Variants in GDF10 observed in about 807,000 individuals in gnomAD.
GDF10 encodes the protein growth/differentiation factor 10.
A neutral mutation model predicts 32.1 loss-of-function variants in GDF10; 23 were observed. The observed-to-expected ratio is 0.72, with a 90% confidence interval of 0.52 to 1.02. The LOEUF is 1.02. Ranked by LOEUF, GDF10 falls within the 50% of genes least tolerant of loss-of-function variation. The probability of loss-of-function intolerance (pLI) is 0.00; values close to 1 mark genes in which losing one functional copy is unlikely to be tolerated. For synonymous variants in GDF10, 328 were observed against 303.1 expected (o/e 1.08, Z -0.85); for missense variants, 764 against 673.9 (o/e 1.13, Z -1.48).
chr10:47,303,482 AATAGTGCTCC>A (rs1461167372), intron 1 of GDF10, among the ~76,000 whole-genome samples: 1 of 152,134 alleles, frequency 6.6e-6, no homozygotes, highest in Non-Finnish European at 1.5e-5. Flanking sequence ...AAATGGAGCT[AATAGTGCTCC>A]CCTCCTTATA....
In GDF10 at chr10:47,313,031, T is replaced by G. The variant is rs1588846980; in HGVS notation, c.*239T>G. 1 of 389,838 alleles carries G rather than the reference T, an allele frequency of 2.6e-6. No homozygotes were observed. Among genetic ancestry groups the G allele is most frequent in the Non-Finnish European group, 4.6e-6 (1 of 219,518 alleles). The allele number at this position is 389,838 out of a possible 1,614,324, so 24.1% of individuals were successfully genotyped here. ...CTGGGAATTAGCCCTGGCCTGAAAG[T>G]GGCCCATCATTCATACCCACTGTTC... On this transcript the variant is annotated 3_prime_UTR_variant, in exon 3 of 3. Transcript: ENST00000580279.
intron 1 of GDF10, among the ~76,000 whole-genome samples, chr10:47,301,811 G>T (rs1455778651): frequency 3.9e-5 from 6 of 152,176 alleles, no homozygotes; most frequent in African/African-American, 7.2e-5. Context: ...GTGGGTGGGG[G>T]TCTCCTGCAG....
intron 2 of GDF10, among the ~76,000 whole-genome samples, chr10:47,311,991 G>C (rs2061048193): frequency 6.6e-6 from 1 of 152,220 alleles, no homozygotes; most frequent in African/African-American, 2.4e-5. Context: ...TCTTGGTCAA[G>C]TTACTCAGTC....
At chr10:47,303,228 G>A (rs1420979689) in intron 1 of GDF10, among the ~76,000 whole-genome samples, 1 of 152,186 alleles carries the variant, frequency 6.6e-6, no homozygotes, top group Non-Finnish European at 1.5e-5. Flanking sequence ...CCGAGAACAT[G>A]CCAGTCTCAG....
In GDF10 at chr10:47,310,477, GGCCAGGGC is replaced by G; in HGVS notation, c.1004_1011del (p.Pro335GlnfsTer21). 3.7e-6 allele frequency: 6 copies of G among 1,613,728 alleles called. No individual in the cohort carries two copies. Among genetic ancestry groups the G allele is most frequent in the Non-Finnish European group, 4.2e-6 (5 of 1,179,738 alleles). On this transcript the variant is annotated frameshift_variant, in exon 2 of 3. Coordinates refer to ENST00000580279, the MANE Select transcript of GDF10 (RefSeq NM_004962.5). LOFTEE classifies it high-confidence loss of function. The stretch of plus-strand genomic sequence containing the variant: ...AGCCCCTTCCGGGCGCTGAAACCCC[GGCCAGGGC>G]GCAAAGACCGCAGGAAGAAGGGCCA...
Position 47,309,783 on chromosome 10 carries a change from C to G in GDF10, c.320-13C>G, listed in dbSNP as rs1476401501. ...GAGAACTTCACAGCCTGTGGTCTCT[C>G]CTTCCCTCACAGAAGTGGTCGACCA... On this transcript the variant is annotated splice_polypyrimidine_tract_variant and intron_variant, in intron 1 of 2. Transcript: ENST00000580279. 6.3e-7 allele frequency: 1 copy of G among 1,584,572 alleles called. No homozygotes were observed. The highest frequency in any genetic ancestry group is 8.6e-7 in the Non-Finnish European group (1 of 1,157,086).
rs1555206677 is a variant in GDF10 at position 47,300,289 on chromosome 10, G to A, written c.-363G>A. ...GGGGCGCGCAGCCGGGTCCCCTCGA[G>A]GGCGCAGCCGGCCGCCCCGCCCCGC... On this transcript the variant is annotated 5_prime_UTR_variant, in exon 1 of 3. Coordinates refer to ENST00000580279, the MANE Select transcript of GDF10 (RefSeq NM_004962.5). 1.6e-5 allele frequency: 3 copies of A among 187,308 alleles called. No individual in the cohort carries two copies. In the East Asian group the frequency reaches 3.9e-4, roughly 24 times the overall value. The allele number at this position is 187,308 out of a possible 1,614,324, so 11.6% of individuals were successfully genotyped here.
At chr10:47,308,650 C>T (rs2061031763) in intron 1 of GDF10, among the ~76,000 whole-genome samples, 1 of 152,176 alleles carries the variant, frequency 6.6e-6, no homozygotes, top group African/African-American at 2.4e-5. Flanking sequence ...CCCACACACA[C>T]TTCCCGGGCT....
chr10:47,310,226 T>G lies in GDF10; in HGVS notation c.750T>G (p.Asp250Glu). 6.2e-7 allele frequency: 1 copy of G among 1,610,294 alleles called. No homozygotes were observed. The highest frequency in any genetic ancestry group is 8.5e-7 in the Non-Finnish European group (1 of 1,178,542). Residue 250 changes from aspartate (D) to glutamate (E), a missense_variant, in exon 2 of 3, where the codon GAT becomes GAG. By Grantham distance (45) the Asp-to-Glu change is conservative. Coordinates refer to ENST00000580279, the MANE Select transcript of GDF10 (RefSeq NM_004962.5). ...CCTACATCCTAGTCTATGCCAACGA[T>G]CTGGCCATCTCGGAGCCCAACAGCG... ...YAPYILVYAN[D>E]LAISEPNSVA...
chr10:47,309,366 C>T (rs987813223), intron 1 of GDF10, among the ~76,000 whole-genome samples: 3 of 152,166 alleles, frequency 2.0e-5, no homozygotes, highest in Admixed American at 2.0e-4. Flanking sequence ...GGAGGGGCTG[C>T]CTTGATGCAG....
In GDF10 at chr10:47,310,609, G is replaced by A. The variant is rs1333618871; in HGVS notation, c.1133G>A (p.Arg378Gln). 6.2e-7 allele frequency: 1 copy of A among 1,613,992 alleles called. No homozygotes were observed. Among genetic ancestry groups the A allele is most frequent in the African/African-American group, 1.3e-5 (1 of 74,938 alleles). The change falls in exon 2 of 3, where the codon CGG becomes CAG. Residue 378 changes from arginine (R) to glutamine (Q), a missense_variant. Physicochemically the swap from Arg to Gln is conservative, Grantham distance 43. Transcript: ENST00000580279. ...KQWDEPRVCSRRYLKVDFADI... is the reference protein window; with the variant it reads ...KQWDEPRVCSQRYLKVDFADI... ...TGGGATGAGCCGAGGGTGTGCTCCC[G>A]GAGGTACCTGAAGGTGGACTTCGCA...
chr10:47,302,433 C>T (rs1188497623), intron 1 of GDF10, among the ~76,000 whole-genome samples: 1 of 152,214 alleles, frequency 6.6e-6, no homozygotes, highest in Non-Finnish European at 1.5e-5. Context: ...TTAACTCAAT[C>T]CTCAAAGCCT....
chr10:47,300,746 C>G lies in GDF10; in HGVS notation c.95C>G (p.Ala32Gly), dbSNP rs1047545309. The part of the protein sequence containing the change: ...PLFLLLLRDV[A>G]GSHRAPAWSA... ...TTTCTGCTGTTGCTCCGGGATGTGG[C>G]CGGCAGCCACAGGGCCCCCGCCTGG... Residue 32 changes from alanine (A) to glycine (G), a missense_variant, in exon 1 of 3, where the codon GCC becomes GGC. Transcript: ENST00000580279. 3 of 1,558,858 alleles carry G rather than the reference C, an allele frequency of 1.9e-6. No homozygotes were observed. The highest frequency in any genetic ancestry group is 2.6e-6 in the Non-Finnish European group (3 of 1,156,944).
intron 1 of GDF10, among the ~76,000 whole-genome samples, chr10:47,304,756 G>A (rs1314757699): frequency 6.6e-6 from 1 of 152,158 alleles, no homozygotes; most frequent in African/African-American, 2.4e-5. Context: ...GGTAAAACTT[G>A]CAGGTATTTC....
At chr10:47,307,272 G>A (rs2061026372) in intron 1 of GDF10, among the ~76,000 whole-genome samples, 1 of 152,172 alleles carries the variant, frequency 6.6e-6, no homozygotes, top group African/African-American at 2.4e-5. Context: ...GAAAGGAAAA[G>A]AGGGTGGATA....
At chr10:47,305,918 C>T (rs2132222634) in intron 1 of GDF10, among the ~76,000 whole-genome samples, 1 of 152,322 alleles carries the variant, frequency 6.6e-6, no homozygotes, top group East Asian at 1.9e-4. Context: ...GCAAAACGTG[C>T]TGCAGTTCAC....
rs2061042535 is a variant in GDF10 at position 47,310,608 on chromosome 10, C to G, written c.1132C>G (p.Arg378Gly). Residue 378 changes from arginine to glycine, a missense_variant, in exon 2 of 3, where the codon CGG becomes GGG. Physicochemically the swap from Arg to Gly is moderately radical, Grantham distance 125. Transcript: ENST00000580279. ...GTGGGATGAGCCGAGGGTGTGCTCC[C>G]GGAGGTACCTGAAGGTGGACTTCGC... is the stretch of plus-strand genomic sequence containing the variant. ...KQWDEPRVCS[R>G]RYLKVDFADI... The G allele has an allele frequency of 6.2e-7, 1 of 1,614,048 alleles. No individual in the cohort carries two copies. The highest frequency in any genetic ancestry group is 2.2e-5 in the East Asian group (1 of 44,874).
chr10:47,303,668 G>A (rs1381161111), intron 1 of GDF10, among the ~76,000 whole-genome samples: 16 of 152,166 alleles, frequency 1.1e-4, no homozygotes, highest in African/African-American at 2.4e-4. Context: ...AATCTGCATC[G>A]GTGGGGAAAG....
chr10:47,312,850 T>G lies in GDF10; in HGVS notation c.*58T>G. 8.4e-7 allele frequency: 1 copy of G among 1,186,196 alleles called. No homozygotes were observed. Among genetic ancestry groups the G allele is most frequent in the Non-Finnish European group, 1.2e-6 (1 of 847,118 alleles). The allele number at this position is 1,186,196 out of a possible 1,614,324, so 73.5% of individuals were successfully genotyped here. A position where few individuals can be genotyped will look rare whatever the true frequency, so the allele number is the denominator to read the frequency against. On this transcript the variant is annotated 3_prime_UTR_variant, in exon 3 of 3. Coordinates refer to ENST00000580279, the MANE Select transcript of GDF10 (RefSeq NM_004962.5). Reference sequence around the variant, plus strand: ...GCAGAGCTGCCTTCTCGGAGCCTTCTGCAACCAGGACTTGTGGTGCAGCTG... The same window carrying G: ...GCAGAGCTGCCTTCTCGGAGCCTTCGGCAACCAGGACTTGTGGTGCAGCTG...
Sources: gnomAD v4.1 joint callset for allele counts (sites outside exome capture counted in the v4.1 genomes callset) on GRCh38, gnomAD v4.1.1 for gene constraint, MANE v1.5 for transcripts, NCBI Gene and HGNC (gene_info 2026-07-23, HGNC 2026-07-21) for gene names.